Variants in MAP2K6 observed in about 807,000 individuals in gnomAD.
MAP2K6 encodes mitogen-activated protein kinase kinase 6, also known as dual specificity mitogen-activated protein kinase kinase 6.
Under a neutral mutation model 53.7 loss-of-function variants are expected in MAP2K6, and 16 were observed. The observed-to-expected ratio is 0.30, with a 90% CI of 0.20 to 0.45. MAP2K6 has a LOEUF of 0.45. Ranked by LOEUF, MAP2K6 falls within the 20% of genes least tolerant of loss-of-function variation. The pLI, the probability that MAP2K6 is intolerant of heterozygous loss-of-function variation, is 1.00. For synonymous variants in MAP2K6, 132 were observed against 143.1 expected (o/e 0.92, Z 0.55); for missense variants, 204 against 411.9 (o/e 0.50, Z 4.37).
intron 1 of MAP2K6, among the ~76,000 whole-genome samples, 181 bp downstream of exon 1, chr17:69,415,181 G>C (rs1905858385): frequency 6.6e-6 from 1 of 152,102 alleles, no homozygotes; most frequent in African/African-American, 2.4e-5. Flanking sequence ...TGTAAGGCAG[G>C]GCTTGCAGTT....
intron 1 of MAP2K6, among the ~76,000 whole-genome samples, chr17:69,467,104 CCTT>C (rs57281289): frequency 0.16 from 25,044 of 152,126 alleles, 2,432 homozygotes; most frequent in Non-Finnish European, 0.23. Context: ...CCCATTCTAT[CCTT>C]CTGGTTAATG....
At chr17:69,499,638 G>A (rs1245147105) in intron 1 of MAP2K6, among the ~76,000 whole-genome samples, 1 of 152,184 alleles carries the variant, frequency 6.6e-6, no homozygotes, top group Admixed American at 6.5e-5. Flanking sequence ...CAAACATTCA[G>A]TCAACAAATA....
rs139781592 is a variant in MAP2K6 at position 69,445,254 on chromosome 17, A to G, written c.16+30254A>G. The stretch of plus-strand genomic sequence containing the variant: ...ATTTTCATCAGAAAGAAATTTTACC[A>G]ACTCCGAGGTAGAGGAAGGAAACTT... On this transcript the variant is annotated intron_variant, in intron 1 of 11. Transcript: ENST00000590474. 7.9e-3 allele frequency among the ~76,000 whole-genome samples: 1,203 copies of G among 152,340 alleles called. 5 individuals are homozygous for G. Among genetic ancestry groups the G allele is most frequent in the South Asian group, 0.02 (95 of 4,828 alleles).
Position 69,541,782 on chromosome 17 carries a change from A to G in MAP2K6, c.*29A>G, listed in dbSNP as rs903571340. On this transcript the variant is annotated 3_prime_UTR_variant, in exon 12 of 12. Transcript: ENST00000590474. Reference sequence around the variant, plus strand: ...GCAGTGGACTTAATCGGTTGACCCTACTGTGGATTGGTGGGTTTCGGGGTG... The same window carrying G: ...GCAGTGGACTTAATCGGTTGACCCTGCTGTGGATTGGTGGGTTTCGGGGTG... 1 of 1,575,788 alleles carries G rather than the reference A, an allele frequency of 6.3e-7. No individual in the cohort carries two copies.
chr17:69,534,827 C>CCATT (rs1429382511), intron 10 of MAP2K6, among the ~76,000 whole-genome samples: 5 of 152,156 alleles, frequency 3.3e-5, no homozygotes, highest in Non-Finnish European at 7.3e-5. Flanking sequence ...AAGCTCCTTT[C>CCATT]CATTCATGTA....
chr17:69,520,746 A>C (rs1330307977), intron 6 of MAP2K6: 1 of 388,072 alleles, frequency 2.6e-6, no homozygotes, highest in East Asian at 4.3e-5. Flanking sequence ...AGGAAAATAA[A>C]TAGAAAGAAG....
At chr17:69,517,751 T>C (rs1024254087) in intron 4 of MAP2K6, 138 bp downstream of exon 4, 15 of 472,274 alleles carry the variant, frequency 3.2e-5, no homozygotes, top group Admixed American at 8.4e-5. Context: ...CAGGGAACAG[T>C]ATTTTCCTCC....
intron 7 of MAP2K6, 144 bp downstream of exon 7, chr17:69,521,244 A>C (rs916579453): frequency 1.7e-6 from 1 of 604,648 alleles, no homozygotes; most frequent in African/African-American, 1.9e-5. Flanking sequence ...TTGAGATTGG[A>C]TAGCAAACCA....
chr17:69,455,864 T>A (rs571361205), intron 1 of MAP2K6, among the ~76,000 whole-genome samples: 1 of 126,978 alleles, frequency 7.9e-6, no homozygotes, highest in Non-Finnish European at 1.8e-5. Context: ...TTTTTTTTTT[T>A]TTTTTTTTTT....
At chr17:69,520,926 C>T (rs538155497) in intron 6 of MAP2K6, 123 bp from the exon 7 acceptor site, 1 of 692,772 alleles carries the variant, frequency 1.4e-6, no homozygotes, top group East Asian at 2.8e-5. Flanking sequence ...GATAGGACCA[C>T]CACTATTTGA....
intron 1 of MAP2K6, among the ~76,000 whole-genome samples, chr17:69,484,149 G>A (rs192350042): frequency 3.0e-4 from 45 of 152,014 alleles, no homozygotes; most frequent in African/African-American, 1.0e-3. Context: ...AAAGTGAAAA[G>A]GCAATTGACA....
At chr17:69,498,716 T>A (rs1456445870) in intron 1 of MAP2K6, among the ~76,000 whole-genome samples, 1 of 149,876 alleles carries the variant, frequency 6.7e-6, no homozygotes, top group African/African-American at 2.5e-5. Context: ...AAGGGACCAC[T>A]GAGCCAATGT....
chr17:69,455,724 C>T lies in MAP2K6; in HGVS notation c.16+40724C>T, dbSNP rs554069128. On this transcript the variant is annotated intron_variant, in intron 1 of 11. Transcript: ENST00000590474. ...TATTCTTGTTTGTTCTTTTTCCCTC[C>T]GCCCTTAACCCTGTAAAAATGCAAA... 1.2e-4 allele frequency among the ~76,000 whole-genome samples: 18 copies of T among 152,212 alleles called. 3 individuals are homozygous for T. The highest frequency in any genetic ancestry group is 3.4e-4 in the African/African-American group (14 of 41,504).
At chr17:69,537,287 A>T (rs751913245) in intron 11 of MAP2K6, among the ~76,000 whole-genome samples, 10 of 152,250 alleles carry the variant, frequency 6.6e-5, no homozygotes, top group Admixed American at 2.0e-4. Flanking sequence ...ATTTATGTTA[A>T]TTCCTAGATT....
intron 1 of MAP2K6, among the ~76,000 whole-genome samples, chr17:69,492,484 C>CTCTGTATT (rs1478542683): frequency 6.6e-6 from 1 of 152,118 alleles, no homozygotes; most frequent in Non-Finnish European, 1.5e-5. Flanking sequence ...TATTTCTGGG[C>CTCTGTATT]TCTGTATTCT....
chr17:69,483,795 A>G (rs1908430257), intron 1 of MAP2K6, among the ~76,000 whole-genome samples: 1 of 152,114 alleles, frequency 6.6e-6, no homozygotes, highest in Non-Finnish European at 1.5e-5. Flanking sequence ...AAATCCTTGC[A>G]TTTACAATCA....
chr17:69,451,756 A>C (rs549357993), intron 1 of MAP2K6, among the ~76,000 whole-genome samples: 1 of 152,160 alleles, frequency 6.6e-6, no homozygotes, highest in Non-Finnish European at 1.5e-5. Flanking sequence ...TGTGCTGAGC[A>C]TGACTGGATA....
intron 1 of MAP2K6, among the ~76,000 whole-genome samples, chr17:69,478,523 C>T (rs1461729402): frequency 6.6e-6 from 1 of 152,180 alleles, no homozygotes; most frequent in Non-Finnish European, 1.5e-5. Flanking sequence ...ACCTCTGCCT[C>T]CCAGGTTCAA....
chr17:69,533,938 T>C (rs1027582533), intron 10 of MAP2K6, among the ~76,000 whole-genome samples: 2 of 152,054 alleles, frequency 1.3e-5, no homozygotes, highest in African/African-American at 4.8e-5. Context: ...GATGGTCCTT[T>C]TAAGTGAAGG....
Sources: allele counts gnomAD v4.1 joint callset (sites outside exome capture counted in the v4.1 genomes callset), GRCh38; gene constraint gnomAD v4.1.1; transcripts MANE v1.5; gene names NCBI Gene and HGNC (gene_info 2026-07-23, HGNC 2026-07-21).